EHHADH: variants seen among roughly 807,000 people sequenced by gnomAD.
The protein encoded by EHHADH is peroxisomal bifunctional enzyme.
In EHHADH, 48 loss-of-function variants were observed where a neutral mutation model predicts 64.4. The ratio of observed to expected loss-of-function variants is 0.75; its 90% CI spans 0.59 to 0.95. EHHADH has a LOEUF of 0.95. EHHADH is among the 40% of genes least tolerant of loss of function. The probability of loss-of-function intolerance (pLI) is 0.00; values close to 1 mark genes in which losing one functional copy is unlikely to be tolerated. For missense variants in EHHADH, 854 were observed against 876.6 expected (o/e 0.97, Z 0.33); for synonymous variants, 308 against 326.7 (o/e 0.94, Z 0.62).
At position 185,229,505 on chromosome 3, in the gene EHHADH, G is replaced by A. The variant is rs1259329682; in HGVS notation, c.390C>T (p.Leu130=). 1.9e-6 allele frequency: 3 copies of A among 1,575,894 alleles called. No individual in the cohort carries two copies. Among genetic ancestry groups the A allele is most frequent in the Admixed American group, 3.5e-5 (2 of 57,594 alleles). Residue 130 remains leucine, a synonymous_variant, in exon 4 of 7, where the codon CTC becomes CTT. Coordinates refer to ENST00000231887, the MANE Select transcript of EHHADH (RefSeq NM_001966.4). ...GAAGCTGGGTTCCTCTTGCACCAGG[G>A]AGAAGTCCCAGTGTAACTTCTGGTA... ...VGLPEVTLGL[L]PGARGTQLLP...
chr3:185,230,419 A>C (rs1359475748), intron 3 of EHHADH, among the ~76,000 whole-genome samples: 1 of 152,250 alleles, frequency 6.6e-6, no homozygotes, highest in Non-Finnish European at 1.5e-5. Context: ...GAAGCAACCC[A>C]AATGTCCATC....
Position 185,191,565 on chromosome 3 carries a change from A to G in EHHADH, c.*661T>C, listed in dbSNP as rs1717868770. Reference sequence around the variant, plus strand: ...TAACATCACAGAGGCTTGTCATGACAGGAAAACTGGTGTCATTACTCTATC... The same window carrying G: ...TAACATCACAGAGGCTTGTCATGACGGGAAAACTGGTGTCATTACTCTATC... On this transcript the variant is annotated 3_prime_UTR_variant, in exon 7 of 7. Coordinates refer to ENST00000231887, the MANE Select transcript of EHHADH (RefSeq NM_001966.4). 1 of 152,216 alleles carries G rather than the reference A, an allele frequency of 6.6e-6. No homozygotes were observed. The highest frequency in any genetic ancestry group is 1.5e-5 in the Non-Finnish European group (1 of 68,042). The allele number at this position is 152,216 out of a possible 1,614,324, so 9.4% of individuals were successfully genotyped here.
intron 2 of EHHADH, among the ~76,000 whole-genome samples, chr3:185,238,904 T>C (rs937636322): frequency 6.6e-6 from 1 of 152,194 alleles, no homozygotes; most frequent in South Asian, 2.1e-4. Flanking sequence ...CATCCAGGAA[T>C]TTTTATGATT....
chr3:185,196,075 C>T (rs1413271590), intron 6 of EHHADH, among the ~76,000 whole-genome samples: 1 of 152,106 alleles, frequency 6.6e-6, no homozygotes, highest in Non-Finnish European at 1.5e-5. Flanking sequence ...GTTAATTAAA[C>T]TAGGGGGCAT....
intron 5 of EHHADH, among the ~76,000 whole-genome samples, chr3:185,215,663 A>G (rs563899694): frequency 7.2e-5 from 11 of 152,322 alleles, no homozygotes; most frequent in African/African-American, 2.6e-4. Flanking sequence ...TTACACCTCA[A>G]TACAGCTGGA....
intron 5 of EHHADH, among the ~76,000 whole-genome samples, chr3:185,207,042 C>A (rs2108631376): frequency 6.6e-6 from 1 of 152,110 alleles, no homozygotes; most frequent in East Asian, 1.9e-4. Flanking sequence ...AATTCCAGTA[C>A]TCTGGGAGGC....
chr3:185,232,953 A>G (rs895076613), intron 3 of EHHADH, among the ~76,000 whole-genome samples: 17 of 152,358 alleles, frequency 1.1e-4, no homozygotes, highest in African/African-American at 3.6e-4. Flanking sequence ...TTTTGTTGTT[A>G]GTATATTTGC....
chr3:185,192,745 T>C lies in EHHADH; in HGVS notation c.1653A>G (p.Arg551=), dbSNP rs1378735129. ...GPTLLPGTPA[R]KRGNRRYCPI... is the part of the protein sequence containing the mutation. ...GGCAGTACCTCCTATTACCCCTTTT[T>C]CGGGCAGGAGTTCCTGGAAGCAATG... The change falls in exon 7 of 7, where the codon CGA becomes CGG. Residue 551 remains arginine (R), a synonymous_variant. Transcript: ENST00000231887. 1.2e-6 allele frequency: 2 copies of C among 1,613,944 alleles called. No individual in the cohort carries two copies. The highest frequency in any genetic ancestry group is 4.5e-5 in the East Asian group (2 of 44,892).
chr3:185,222,194 A>G (rs985370998), intron 4 of EHHADH, among the ~76,000 whole-genome samples: 1 of 152,058 alleles, frequency 6.6e-6, no homozygotes, highest in East Asian at 1.9e-4. Flanking sequence ...AGCCTGGCCA[A>G]CATGGTGCCC....
At position 185,216,339 on chromosome 3, in the gene EHHADH, T is replaced by C. The variant is rs1045262254; in HGVS notation, c.568+1797A>G. Among the ~76,000 whole-genome samples, 1 of 152,196 alleles carries C rather than the reference T, an allele frequency of 6.6e-6. No individual in the cohort carries two copies. Among genetic ancestry groups the C allele is most frequent in the African/African-American group, 2.4e-5 (1 of 41,450 alleles). On this transcript the variant is annotated intron_variant, in intron 5 of 6. Coordinates refer to ENST00000231887, the MANE Select transcript of EHHADH (RefSeq NM_001966.4). The surrounding 1 kb of genome is among the most constrained non-coding windows in gnomAD (Gnocchi z 5.3). ...AGAACTTCCTGTTGAAATTGAGACC[T>C]TTACAAACTAAAACTACAGATGTGA...
At chr3:185,208,311 C>G (rs2111669) in intron 5 of EHHADH, among the ~76,000 whole-genome samples, 100,087 of 152,148 alleles carry the variant, frequency 0.66, 35,013 homozygotes, top group Non-Finnish European at 0.79. Flanking sequence ...GATTCTCCCC[C>G]TGACCCCTAA....
chr3:185,200,695 A>C (rs1718199125), intron 6 of EHHADH, among the ~76,000 whole-genome samples: 1 of 152,228 alleles, frequency 6.6e-6, no homozygotes, highest in African/African-American at 2.4e-5. Flanking sequence ...AGAGAAGTAA[A>C]TACCAAATAA....
intron 5 of EHHADH, among the ~76,000 whole-genome samples, chr3:185,212,572 T>C (rs924015429): frequency 2.6e-5 from 4 of 152,192 alleles, no homozygotes; most frequent in Admixed American, 6.5e-5. Flanking sequence ...TCGTTGTTGT[T>C]GTTGTTTTAA....
intron 2 of EHHADH, chr3:185,245,610 A>G: frequency 1.4e-6 from 1 of 736,966 alleles, no homozygotes; most frequent in South Asian, 1.5e-5. Context: ...TCCAGTGATC[A>G]GCATGTGTGA....
Position 185,254,030 on chromosome 3 carries a change from C to T in EHHADH, c.-8G>A. 6.2e-7 allele frequency: 1 copy of T among 1,613,546 alleles called. No homozygotes were observed. Among genetic ancestry groups the T allele is most frequent in the Non-Finnish European group, 8.5e-7 (1 of 1,179,636 alleles). On this transcript the variant is annotated 5_prime_UTR_variant, in exon 1 of 7. Transcript: ENST00000231887. ...CCGCGTATACTCGGCCATGTTTCCTCTATCACCGAGGGCACCTCTGCCTCT... is the reference window on the plus strand; with the variant it reads ...CCGCGTATACTCGGCCATGTTTCCTTTATCACCGAGGGCACCTCTGCCTCT...
At chr3:185,213,880 C>CAAA (rs58869131) in intron 5 of EHHADH, among the ~76,000 whole-genome samples, 1 of 70,810 alleles carries the variant, frequency 1.4e-5, no homozygotes, top group Non-Finnish European at 2.9e-5. Flanking sequence ...AACTCCGTCT[C>CAAA]AAAAAAAAAA....
intron 1 of EHHADH, among the ~76,000 whole-genome samples, chr3:185,249,592 C>G (rs1033097006): frequency 2.0e-5 from 3 of 152,180 alleles, no homozygotes; most frequent in Admixed American, 6.5e-5. Flanking sequence ...GCAGTTTCCC[C>G]TGCACTCATG....
At chr3:185,218,341 A>G in intron 4 of EHHADH, 101 bp from the exon 5 acceptor site, 3 of 680,342 alleles carry the variant, frequency 4.4e-6, no homozygotes, top group Non-Finnish European at 7.3e-6. Context: ...CTGTCTGGAT[A>G]TAAATATCTA....
intron 6 of EHHADH, among the ~76,000 whole-genome samples, chr3:185,202,935 A>T (rs185616712): frequency 7.1e-6 from 1 of 140,646 alleles, no homozygotes; most frequent in African/African-American, 2.6e-5. Flanking sequence ...GGAGCTTAAA[A>T]TGTAGATCTC....
Sources: gnomAD v4.1 joint callset for allele counts (sites outside exome capture counted in the v4.1 genomes callset) on GRCh38, gnomAD v4.1.1 for gene constraint, Gnocchi (gnomAD v3.1) non-coding constraint, MANE v1.5 for transcripts, NCBI Gene and HGNC (gene_info 2026-07-23, HGNC 2026-07-21) for gene names.